SERPINE2: variants seen among roughly 807,000 people sequenced by gnomAD.
SERPINE2 encodes the protein glia-derived nexin.
Under a neutral mutation model 36.3 loss-of-function variants are expected in SERPINE2, and 14 were observed. The ratio of observed to expected loss-of-function variants is 0.39; its 90% confidence interval spans 0.25 to 0.60. The LOEUF (loss-of-function observed/expected upper bound fraction) is 0.60. Among genes scored for constraint, SERPINE2 ranks in the 20% least tolerant of loss-of-function variants. SERPINE2 has a pLI of 0.57. For synonymous variants in SERPINE2, 192 were observed against 191.8 expected, an observed-to-expected ratio of 1.00 and a Z score of -0.01; for missense variants, 418 against 499.6, an observed-to-expected ratio of 0.84 and a Z score of 1.56.
chr2:223,986,715 T>A (rs1342493098), intron 4 of SERPINE2, among the ~76,000 whole-genome samples: 2 of 152,204 alleles, frequency 1.3e-5, no homozygotes, highest in African/African-American at 4.8e-5. Flanking sequence ...AGTTATGAGC[T>A]GGAATGTGTT....
At chr2:223,993,435 T>G (rs1412011270) in intron 3 of SERPINE2, among the ~76,000 whole-genome samples, 1 of 147,392 alleles carries the variant, frequency 6.8e-6, no homozygotes, top group African/African-American at 2.4e-5. Flanking sequence ...AAGGTTCAGT[T>G]GTGTGTGTGT....
intron 1 of SERPINE2, among the ~76,000 whole-genome samples, chr2:224,035,232 G>T (rs567674501): frequency 6.6e-6 from 1 of 152,272 alleles, no homozygotes; most frequent in East Asian, 1.9e-4. Context: ...TGAAGCCCAT[G>T]GGAGCCAGAA....
intron 3 of SERPINE2, among the ~76,000 whole-genome samples, chr2:223,994,074 T>A (rs886653066): frequency 1.3e-5 from 2 of 152,210 alleles, no homozygotes; most frequent in African/African-American, 4.8e-5. Flanking sequence ...GACTTCTAAA[T>A]CTTCTCTGAT....
At chr2:224,023,366 C>A (rs577037682) in intron 1 of SERPINE2, among the ~76,000 whole-genome samples, 20 of 152,336 alleles carry the variant, frequency 1.3e-4, no homozygotes, top group African/African-American at 4.8e-4. Context: ...GTGTCTCTGA[C>A]ACCATACAAA....
chr2:223,982,484 G>A (rs1690258994), intron 6 of SERPINE2, 197 bp downstream of exon 6: 1 of 469,532 alleles, frequency 2.1e-6, no homozygotes, highest in Non-Finnish European at 3.8e-6. Flanking sequence ...GAAATAAAAA[G>A]ATAAAAGGAA....
chr2:223,997,768 G>C (rs571787384), intron 3 of SERPINE2, among the ~76,000 whole-genome samples: 5 of 152,266 alleles, frequency 3.3e-5, no homozygotes, highest in African/African-American at 1.2e-4. Context: ...CCAGGTAAAG[G>C]GAGAGGCAGA....
chr2:224,004,305 G>A (rs1691308390), intron 1 of SERPINE2, among the ~76,000 whole-genome samples: 1 of 152,176 alleles, frequency 6.6e-6, no homozygotes. Flanking sequence ...AACCACTGAG[G>A]CCATCCTTCC....
chr2:224,029,650 G>T (rs1381519497), intron 1 of SERPINE2, among the ~76,000 whole-genome samples: 1 of 152,176 alleles, frequency 6.6e-6, no homozygotes, highest in African/African-American at 2.4e-5. Flanking sequence ...CCCTTGCAGA[G>T]ACCTAAATAT....
chr2:224,001,282 C>T (rs1410981520), intron 2 of SERPINE2, among the ~76,000 whole-genome samples: 1 of 152,234 alleles, frequency 6.6e-6, no homozygotes, highest in Non-Finnish European at 1.5e-5. Flanking sequence ...CAGCTCCTCT[C>T]ACAGGCTTCA....
intron 1 of SERPINE2, among the ~76,000 whole-genome samples, chr2:224,029,149 G>A (rs1278765570): frequency 1.3e-5 from 2 of 152,204 alleles, no homozygotes; most frequent in Non-Finnish European, 2.9e-5. Flanking sequence ...TAACTAACAT[G>A]TCATTAAGAA....
chr2:223,978,681 G>A (rs1690108372), intron 7 of SERPINE2: 1 of 152,168 alleles, frequency 6.6e-6, no homozygotes, highest in Admixed American at 6.5e-5. Flanking sequence ...ACCCCATGAA[G>A]TATTGAACAC....
chr2:224,010,562 C>T (rs1691591872), intron 1 of SERPINE2, among the ~76,000 whole-genome samples: 1 of 152,116 alleles, frequency 6.6e-6, no homozygotes, highest in Admixed American at 6.6e-5. Context: ...ACAGGATATT[C>T]ATTCTATTTT....
intron 1 of SERPINE2, among the ~76,000 whole-genome samples, chr2:224,017,713 T>C (rs376555102): frequency 2.0e-5 from 3 of 152,162 alleles, no homozygotes; most frequent in African/African-American, 7.2e-5. Flanking sequence ...GTAATAGTAG[T>C]TCTTACTTTA....
rs537850476 is a variant in SERPINE2, at chr2:224,032,055, G to A, written c.-23+7044C>T. Among the ~76,000 whole-genome samples the A allele has an allele frequency of 3.9e-5, 6 of 152,298 alleles. No homozygotes were observed. In the South Asian group the frequency reaches 8.3e-4, roughly 21 times the overall value. ...TATTTTGATTTGGGTTTGTTCTCTT[G>A]TAAGCAAAAGATAATGCAGTAGTTA... On this transcript the variant is annotated intron_variant, in intron 1 of 8. Coordinates refer to ENST00000409304, the MANE Select transcript of SERPINE2 (RefSeq NM_001136528.2).
chr2:224,021,163 G>A lies in SERPINE2; in HGVS notation c.-23+17936C>T, dbSNP rs192172342. Among the ~76,000 whole-genome samples, 75 of 152,288 alleles carry A rather than the reference G, an allele frequency of 4.9e-4. 1 individual carries two copies. The highest frequency in any genetic ancestry group is 6.8e-3 in the Middle Eastern group (2 of 294). On this transcript the variant is annotated intron_variant, in intron 1 of 8. Transcript: ENST00000409304. Reference sequence around the variant, plus strand: ...AAGTGCTCATAGCTGTTGCCCTGGCGTTAGAAATGCCCTTGACATTCTTGG... The same window carrying A: ...AAGTGCTCATAGCTGTTGCCCTGGCATTAGAAATGCCCTTGACATTCTTGG...
chr2:223,999,633 G>A (rs13392495), intron 2 of SERPINE2, among the ~76,000 whole-genome samples: 40,061 of 152,144 alleles, frequency 0.26, 6,416 homozygotes, highest in African/African-American at 0.45. Context: ...CGGCTTTGGA[G>A]GCTGAAAGAC....
At chr2:224,022,672 C>A (rs1692046139) in intron 1 of SERPINE2, among the ~76,000 whole-genome samples, 1 of 152,146 alleles carries the variant, frequency 6.6e-6, no homozygotes, top group Admixed American at 6.5e-5. Flanking sequence ...TCCCTACAAG[C>A]AACACAGAAC....
At chr2:223,979,258 G>C (rs1690129495) in intron 7 of SERPINE2, 1 of 152,090 alleles carries the variant, frequency 6.6e-6, no homozygotes, top group African/African-American at 2.4e-5. Context: ...TTTGGCACAG[G>C]ACCCCACAAA....
In SERPINE2 at chr2:224,035,803, G is replaced by A. The variant is rs76044272; in HGVS notation, c.-23+3296C>T. 1.1e-3 allele frequency among the ~76,000 whole-genome samples: 170 copies of A among 152,266 alleles called. 3 individuals carry two copies. The East Asian group carries it at 0.03, about 27-fold the overall frequency. On this transcript the variant is annotated intron_variant, in intron 1 of 8. Transcript: ENST00000409304. ...TGCCTACTGCTAGAAGTGGCACACC[G>A]GCCACCATTTTGCCACTTTTGGGCT...
Sources: allele counts gnomAD v4.1 joint callset (sites outside exome capture counted in the v4.1 genomes callset), GRCh38; gene constraint gnomAD v4.1.1; transcripts MANE v1.5; gene names NCBI Gene and HGNC (gene_info 2026-07-23, HGNC 2026-07-21).